The following OPCML variants were observed in gnomAD, a reference collection of about 807,000 sequenced individuals.
The protein encoded by OPCML is opioid binding protein/cell adhesion molecule like, also known as opioid-binding protein/cell adhesion molecule.
OPCML carries 13 observed loss-of-function variants against 37.8 expected under a neutral mutation model. The observed-to-expected ratio is 0.34, with a 90% CI of 0.22 to 0.55. OPCML has a LOEUF of 0.55. Among genes scored for constraint, OPCML ranks in the 20% least tolerant of loss-of-function variants. OPCML has a pLI of 0.91. For synonymous variants in OPCML, 176 were observed against 168.8 expected, an observed-to-expected ratio of 1.04 and a Z score of -0.33; for missense variants, 341 against 435.6, an observed-to-expected ratio of 0.78 and a Z score of 1.93.
chr11:133,401,627 G>A (rs2136839682), intron 1 of OPCML, among the ~76,000 whole-genome samples: 1 of 152,144 alleles, frequency 6.6e-6, no homozygotes, highest in South Asian at 2.1e-4. Flanking sequence ...GGATATTGAT[G>A]GGATTGGTTT....
intron 2 of OPCML, among the ~76,000 whole-genome samples, chr11:132,929,187 A>T (rs1299785116): frequency 6.6e-6 from 1 of 151,890 alleles, no homozygotes; most frequent in Non-Finnish European, 1.5e-5. Context: ...AAATGATAAC[A>T]AAATGGGCAA....
intron 1 of OPCML, among the ~76,000 whole-genome samples, chr11:133,375,355 T>C (rs1036453798): frequency 6.6e-6 from 1 of 152,220 alleles, no homozygotes; most frequent in Non-Finnish European, 1.5e-5. Context: ...TTCTCCACCA[T>C]GCCTTGCAGA....
At chr11:133,021,643 G>T (rs561034167) in intron 1 of OPCML, among the ~76,000 whole-genome samples, 2 of 18,076 alleles carry the variant, frequency 1.1e-4, no homozygotes, top group South Asian at 9.1e-4. Context: ...AGAAAAAGTG[G>T]CAATAAGGGG....
intron 1 of OPCML, among the ~76,000 whole-genome samples, chr11:133,061,668 A>G (rs941602819): frequency 6.6e-6 from 1 of 152,142 alleles, no homozygotes; most frequent in African/African-American, 2.4e-5. Flanking sequence ...CCTGATTTTG[A>G]AAACATTATT....
intron 3 of OPCML, among the ~76,000 whole-genome samples, chr11:132,643,054 C>T (rs1940947335): frequency 6.6e-6 from 1 of 152,130 alleles, no homozygotes; most frequent in Admixed American, 6.5e-5. Flanking sequence ...AGACACCTGG[C>T]CTGCTCCTGC....
intron 1 of OPCML, among the ~76,000 whole-genome samples, chr11:133,317,444 C>T (rs1465858830): frequency 6.6e-6 from 1 of 152,174 alleles, no homozygotes. Context: ...TATTTTGAAA[C>T]ACTGGTTTGT....
chr11:133,456,780 C>CAAA lies in OPCML; in HGVS notation c.61+75481_61+75483dup, dbSNP rs34351764. On this transcript the variant is annotated intron_variant, in intron 1 of 7. Transcript: ENST00000524381. ...TGCAGCGTGGCTGTCCCAATCAGACCAAAAAAAAAAAAAAATTCACTGAAC... is the reference window on the plus strand; with the variant it reads ...TGCAGCGTGGCTGTCCCAATCAGACCAAAAAAAAAAAAAAAAAATTCACTGAAC... Among the ~76,000 whole-genome samples the CAAA allele has an allele frequency of 2.3e-3, 287 of 122,314 alleles. 1 individual carries two copies. Among genetic ancestry groups the CAAA allele is most frequent in the African/African-American group, 7.4e-3 (268 of 36,106 alleles). 80.2% of individuals were successfully genotyped at this position (122,314 alleles called of 152,430 possible). A position where few individuals can be genotyped will look rare whatever the true frequency, so the allele number is the denominator to read the frequency against.
chr11:133,340,189 G>GA (rs1261154329), intron 1 of OPCML, among the ~76,000 whole-genome samples: 1 of 152,224 alleles, frequency 6.6e-6, no homozygotes, highest in African/African-American at 2.4e-5. Flanking sequence ...GGCCTTGTCT[G>GA]AAGGCACTGG....
At chr11:133,139,371 C>T (rs1052215759) in intron 1 of OPCML, among the ~76,000 whole-genome samples, 3 of 142,950 alleles carry the variant, frequency 2.1e-5, no homozygotes, top group Admixed American at 6.7e-5. Context: ...CATTAACCTT[C>T]CTGTAAGCTC....
At chr11:133,251,957 G>A (rs1279907077) in intron 1 of OPCML, among the ~76,000 whole-genome samples, 2 of 152,294 alleles carry the variant, frequency 1.3e-5, no homozygotes, top group Admixed American at 1.3e-4. Context: ...ACCTAGAAAC[G>A]CTGGTCTGAT....
At chr11:133,128,031 G>A (rs1949543584) in intron 1 of OPCML, among the ~76,000 whole-genome samples, 2 of 152,114 alleles carry the variant, frequency 1.3e-5, no homozygotes, top group African/African-American at 2.4e-5. Flanking sequence ...CAGCATGACT[G>A]TTTTCCCTTG....
chr11:133,036,777 G>T (rs568096691), intron 1 of OPCML, among the ~76,000 whole-genome samples: 2 of 152,230 alleles, frequency 1.3e-5, no homozygotes, highest in Non-Finnish European at 2.9e-5. Context: ...ATTCAGAAAA[G>T]AACTGGCAGC....
intron 1 of OPCML, chr11:133,532,031 A>T: frequency 4.4e-6 from 1 of 227,836 alleles, no homozygotes; most frequent in Non-Finnish European, 7.2e-6. Flanking sequence ...AACCCAGCTC[A>T]CTGGATCCCC....
At chr11:132,484,042 G>T (rs1216051893) in intron 4 of OPCML, among the ~76,000 whole-genome samples, 1 of 152,118 alleles carries the variant, frequency 6.6e-6, no homozygotes, top group East Asian at 1.9e-4. Context: ...AAAAGCAATG[G>T]CAACAAAAGC....
chr11:132,437,805 T>C (rs2136749995), intron 4 of OPCML, among the ~76,000 whole-genome samples: 1 of 152,362 alleles, frequency 6.6e-6, no homozygotes, highest in East Asian at 1.9e-4. Context: ...AATGTTTTTG[T>C]ATGCAGAATA....
intron 3 of OPCML, among the ~76,000 whole-genome samples, chr11:132,620,802 T>C (rs951638168): frequency 8.5e-5 from 13 of 152,190 alleles, no homozygotes; most frequent in Admixed American, 2.6e-4. Flanking sequence ...ACACCTTGGA[T>C]GTCTAGATTG....
intron 4 of OPCML, among the ~76,000 whole-genome samples, chr11:132,447,043 C>A (rs754512394): frequency 6.6e-6 from 1 of 152,176 alleles, no homozygotes. Flanking sequence ...ACCTACAGGG[C>A]TGGCATCTGC....
chr11:133,322,805 C>A (rs545203493), intron 1 of OPCML, among the ~76,000 whole-genome samples: 1 of 152,188 alleles, frequency 6.6e-6, no homozygotes, highest in African/African-American at 2.4e-5. Context: ...TTCAAGCTGT[C>A]ATCTCCCCAC....
chr11:133,105,364 T>C (rs911770200), intron 1 of OPCML, among the ~76,000 whole-genome samples: 1 of 152,028 alleles, frequency 6.6e-6, no homozygotes, highest in African/African-American at 2.4e-5. Flanking sequence ...AATTACATCA[T>C]ACAAAAAAAA....
Sources: gnomAD v4.1 joint callset for allele counts (sites outside exome capture counted in the v4.1 genomes callset) on GRCh38, gnomAD v4.1.1 for gene constraint, MANE v1.5 for transcripts, NCBI Gene and HGNC (gene_info 2026-07-23, HGNC 2026-07-21) for gene names.